The following KCNN2 variants were observed in gnomAD, a reference collection of about 807,000 sequenced individuals.
The protein encoded by KCNN2 is potassium calcium-activated channel subfamily N member 2, also known as small conductance calcium-activated potassium channel protein 2.
Under a neutral mutation model 55.5 loss-of-function variants are expected in KCNN2, and 24 were observed. That is an observed-to-expected ratio of 0.43 (90% CI 0.31 to 0.61). KCNN2 has a LOEUF of 0.61. Ranked by LOEUF, KCNN2 falls within the 20% of genes least tolerant of loss-of-function variation. The pLI is 0.08. For missense variants in KCNN2, 754 were observed against 853.6 expected (o/e 0.88, Z 1.45); for synonymous variants, 431 against 336.1 (o/e 1.28, Z -3.09).
At chr5:114,383,857 A>G (rs775543541) in intron 2 of KCNN2, among the ~76,000 whole-genome samples, 2 of 152,242 alleles carry the variant, frequency 1.3e-5, no homozygotes, top group Non-Finnish European at 2.9e-5. Context: ...AAGAGAAGTC[A>G]GGATGTGTTT....
Position 114,309,223 on chromosome 5 carries a change from A to G in KCNN2, c.-184-51722A>G, listed in dbSNP as rs2150025332. On this transcript the variant is annotated intron_variant, in intron 2 of 10. Transcript: ENST00000512097. ...TTCATATGGGCCAACAGTTTTACCC[A>G]AGGCAGACAAAATTGGGACAGTATT... Among the ~76,000 whole-genome samples the G allele has an allele frequency of 2.6e-5, 4 of 152,336 alleles. No homozygotes were observed. In the South Asian group the frequency reaches 8.3e-4, roughly 32 times the overall value.
At chr5:114,163,884 C>T (rs1752852408) in intron 1 of KCNN2, among the ~76,000 whole-genome samples, 1 of 151,850 alleles carries the variant, frequency 6.6e-6, no homozygotes, top group South Asian at 2.1e-4. Context: ...AGAAGACATT[C>T]TGCTGCTGAG....
At chr5:114,160,921 T>C (rs4469190) in intron 1 of KCNN2, among the ~76,000 whole-genome samples, 124,264 of 151,728 alleles carry the variant, frequency 0.82, 51,881 homozygotes, top group East Asian at 0.94. Flanking sequence ...ATGGGTTTCC[T>C]GAATACAGCA....
intron 1 of KCNN2, among the ~76,000 whole-genome samples, chr5:114,111,227 G>T (rs1380367891): frequency 6.6e-6 from 1 of 152,058 alleles, no homozygotes; most frequent in Non-Finnish European, 1.5e-5. Flanking sequence ...CAAGCAATGG[G>T]GAAAGGATTC....
chr5:114,271,799 CTG>C (rs1323768949), intron 2 of KCNN2, among the ~76,000 whole-genome samples: 1 of 152,088 alleles, frequency 6.6e-6, no homozygotes, highest in Non-Finnish European at 1.5e-5. Context: ...CTGAATCTGG[CTG>C]TGTCAATTCC....
intron 3 of KCNN2, among the ~76,000 whole-genome samples, chr5:114,407,024 A>T (rs185144505): frequency 6.6e-6 from 1 of 152,166 alleles, no homozygotes; most frequent in Non-Finnish European, 1.5e-5. Flanking sequence ...GTCTGATGCC[A>T]TGCTCCTTTT....
At chr5:114,433,384 G>A (rs1759871707) in intron 3 of KCNN2, 1 of 152,282 alleles carries the variant, frequency 6.6e-6, no homozygotes, top group East Asian at 1.9e-4. Context: ...GAACCTTTGT[G>A]TCTAGCTCAG....
chr5:114,263,838 G>C (rs911374727), intron 2 of KCNN2, among the ~76,000 whole-genome samples: 3 of 152,098 alleles, frequency 2.0e-5, no homozygotes, highest in African/African-American at 7.2e-5. Flanking sequence ...TGAAAATTTA[G>C]GGAGTTCCCC....
intron 2 of KCNN2, among the ~76,000 whole-genome samples, chr5:114,332,496 G>C (rs1000326556): frequency 1.3e-5 from 2 of 152,188 alleles, no homozygotes; most frequent in Admixed American, 6.5e-5. Flanking sequence ...ACAAAGCTGG[G>C]AATAGATTAT....
chr5:114,191,833 G>A (rs1169116488), intron 1 of KCNN2, among the ~76,000 whole-genome samples: 2 of 152,244 alleles, frequency 1.3e-5, no homozygotes, highest in East Asian at 3.9e-4. Context: ...ATCTGGATGG[G>A]TCACCAGAAG....
intron 1 of KCNN2, among the ~76,000 whole-genome samples, chr5:114,080,597 A>C (rs555681078): frequency 2.1e-5 from 3 of 144,476 alleles, no homozygotes; most frequent in African/African-American, 8.8e-5. Context: ...TGATCATCTC[A>C]ATTGATTTAG....
chr5:114,093,707 A>G (rs1751195907), intron 1 of KCNN2, among the ~76,000 whole-genome samples: 1 of 152,172 alleles, frequency 6.6e-6, no homozygotes, highest in Non-Finnish European at 1.5e-5. Flanking sequence ...AGGAGGAAAT[A>G]CCAAACTCTT....
intron 2 of KCNN2, among the ~76,000 whole-genome samples, chr5:114,300,320 GCTTTT>G (rs1388886869): frequency 6.6e-6 from 1 of 152,236 alleles, no homozygotes; most frequent in East Asian, 1.9e-4. Context: ...CTCAGTGAGT[GCTTTT>G]CTGTTTTTTT....
intron 2 of KCNN2, among the ~76,000 whole-genome samples, chr5:114,381,872 G>A (rs1040013827): frequency 6.6e-6 from 1 of 152,166 alleles, no homozygotes; most frequent in African/African-American, 2.4e-5. Flanking sequence ...GTTGCTGTGG[G>A]ACTGAACTAG....
chr5:114,234,854 C>G (rs1286459023), intron 2 of KCNN2, among the ~76,000 whole-genome samples: 1 of 152,062 alleles, frequency 6.6e-6, no homozygotes, highest in African/African-American at 2.4e-5. Flanking sequence ...TCTTTAAATC[C>G]TTTTGAAGAT....
At chr5:114,396,504 A>G (rs770034109) in intron 2 of KCNN2, among the ~76,000 whole-genome samples, 1 of 151,572 alleles carries the variant, frequency 6.6e-6, no homozygotes, top group African/African-American at 2.4e-5. Context: ...GGTTTGGATT[A>G]TATCATGTAT....
chr5:114,303,228 G>T (rs933058631), intron 2 of KCNN2, among the ~76,000 whole-genome samples: 4 of 152,114 alleles, frequency 2.6e-5, no homozygotes, highest in Non-Finnish European at 5.9e-5. Flanking sequence ...TCTACTTCGC[G>T]TTTTATATGT....
At chr5:114,245,127 C>T (rs1461122730) in intron 2 of KCNN2, among the ~76,000 whole-genome samples, 2 of 152,086 alleles carry the variant, frequency 1.3e-5, no homozygotes, top group African/African-American at 2.4e-5. Context: ...TATTTAAATC[C>T]TTAAAATAAT....
intron 1 of KCNN2, among the ~76,000 whole-genome samples, chr5:114,187,090 A>G (rs1753348710): frequency 6.6e-6 from 1 of 152,214 alleles, no homozygotes. Context: ...CATTAGAAAA[A>G]TCTATTAATT....
Sources: allele counts gnomAD v4.1 joint callset (sites outside exome capture counted in the v4.1 genomes callset), GRCh38; gene constraint gnomAD v4.1.1; transcripts MANE v1.5; gene names NCBI Gene and HGNC (gene_info 2026-07-23, HGNC 2026-07-21).